Variants in RUBCNL observed in about 807,000 individuals in gnomAD.
RUBCNL encodes the protein rubicon like autophagy enhancer.
Under a neutral mutation model 69.5 loss-of-function variants are expected in RUBCNL, and 62 were observed. That is an observed-to-expected ratio of 0.89 (90% CI 0.73 to 1.10). RUBCNL has a LOEUF of 1.10. Among genes scored for constraint, RUBCNL ranks in the 50% least tolerant of loss-of-function variants. RUBCNL has a pLI of 0.00. For synonymous variants in RUBCNL, 291 were observed against 303.6 expected (o/e 0.96, Z 0.43); for missense variants, 768 against 798.1 (o/e 0.96, Z 0.45).
chr13:46,371,875 C>A, intron 3 of RUBCNL, 66 bp downstream of exon 3: 1 of 1,517,088 alleles, frequency 6.6e-7, no homozygotes, highest in Non-Finnish European at 9.0e-7. Flanking sequence ...ACAAGGCAGG[C>A]TTTAGAGCAA....
At position 46,369,096 on chromosome 13, in the gene RUBCNL, A is replaced by G. The variant is rs567411682; in HGVS notation, c.536-281T>C. Among the ~76,000 whole-genome samples the G allele has an allele frequency of 2.6e-5, 4 of 152,334 alleles. No individual in the cohort carries two copies. In the East Asian group the frequency reaches 7.7e-4, roughly 29 times the overall value. ...ATGAGGAAAAGAGGGTAGAAAGAGAATAGGGTCCTGGGAAATCCCAACAGG... is the reference window on the plus strand; with the variant it reads ...ATGAGGAAAAGAGGGTAGAAAGAGAGTAGGGTCCTGGGAAATCCCAACAGG... On this transcript the variant is annotated intron_variant, in intron 3 of 14. Coordinates refer to ENST00000429979, the MANE Select transcript of RUBCNL (RefSeq NM_025113.5).
At chr13:46,371,115 G>A (rs1332083292) in intron 3 of RUBCNL, among the ~76,000 whole-genome samples, 1 of 152,180 alleles carries the variant, frequency 6.6e-6, no homozygotes, top group East Asian at 1.9e-4. Context: ...AGGTAAGGGG[G>A]AAGATGAGCT....
At chr13:46,386,033 C>T (rs2049234586) in intron 1 of RUBCNL, among the ~76,000 whole-genome samples, 1 of 152,198 alleles carries the variant, frequency 6.6e-6, no homozygotes, top group African/African-American at 2.4e-5. Flanking sequence ...AACCCCAGCA[C>T]TGCCATAAAG....
At chr13:46,387,505 C>A, upstream of RUBCNL, 1 of 985,728 alleles carries the variant, frequency 1.0e-6, no homozygotes, top group Non-Finnish European at 1.2e-6. Flanking sequence ...AAATCCCGCC[C>A]TGCCTACCCG....
rs149410890 is a variant in RUBCNL, at chr13:46,382,128, C to G, written c.-238-4123G>C. ...ACTTGTACACTTTAAATCAGTGAAG[C>G]ATTTGGCATGTAAATTCTATCTCAA... is the stretch of plus-strand genomic sequence containing the variant. On this transcript the variant is annotated intron_variant, in intron 1 of 14. Transcript: ENST00000429979. Among the ~76,000 whole-genome samples, 1,208 of 152,190 alleles carry G rather than the reference C, an allele frequency of 7.9e-3. 23 individuals carry two copies. Among genetic ancestry groups the G allele is most frequent in the African/African-American group, 0.027 (1,137 of 41,500 alleles).
intron 12 of RUBCNL, 125 bp from the exon 13 acceptor site, chr13:46,345,725 A>G (rs2048233196): frequency 1.1e-6 from 1 of 941,894 alleles, no homozygotes; most frequent in South Asian, 1.9e-5. Flanking sequence ...TAAAAAATAA[A>G]TAGCTCCAAG....
At position 46,350,279 on chromosome 13, in the gene RUBCNL, T is replaced by C. The variant is rs781370422; in HGVS notation, c.1403A>G (p.Glu468Gly). The C allele has an allele frequency of 1.3e-6, 2 of 1,586,160 alleles. No individual in the cohort carries two copies. Among genetic ancestry groups the C allele is most frequent in the South Asian group, 2.3e-5 (2 of 86,824 alleles). ...YFCDCCHSYA[E>G]SCIPARILMM... ...CAGGATTCGGGCAGGGATGCACGAC[T>C]CTGCATATGAGTGGCAGCAGTCACA... Residue 468 changes from glutamate to glycine, a missense_variant, in exon 11 of 15, where the codon GAG (glutamate) becomes GGG (glycine). By Grantham distance (98) the Glu-to-Gly change is moderately conservative. Transcript: ENST00000429979.
chr13:46,360,671 T>C (rs1243360025), intron 8 of RUBCNL, among the ~76,000 whole-genome samples: 1 of 152,222 alleles, frequency 6.6e-6, no homozygotes, highest in Non-Finnish European at 1.5e-5. Context: ...TAAACACTCC[T>C]TCCTCTGCAC....
chr13:46,347,877 C>G (rs1439452498), intron 12 of RUBCNL, among the ~76,000 whole-genome samples: 4 of 152,110 alleles, frequency 2.6e-5, no homozygotes, highest in Non-Finnish European at 4.4e-5. Context: ...CCTGTAGTCC[C>G]AGCTACTTGG....
rs2048815432 is a variant in RUBCNL, at chr13:46,368,776, G to A, written c.575C>T (p.Ser192Phe). ...QVSRRTISSNSFSPEVFVLPV... is the reference protein window; with the variant it reads ...QVSRRTISSNFFSPEVFVLPV... The stretch of plus-strand genomic sequence containing the variant: ...CAGCACAAATACCTCTGGTGAGAAG[G>A]AATTCGAAGAAATGGTTCTTCTACT... The change falls in exon 4 of 15, where the codon TCC becomes TTC. Residue 192 changes from serine (S) to phenylalanine (F), a missense_variant. Physicochemically the swap from Ser to Phe is radical, Grantham distance 155. Coordinates refer to ENST00000429979, the MANE Select transcript of RUBCNL (RefSeq NM_025113.5). 2 of 1,613,584 alleles carry A rather than the reference G, an allele frequency of 1.2e-6. No individual in the cohort carries two copies. Among genetic ancestry groups the A allele is most frequent in the African/African-American group, 1.3e-5 (1 of 74,916 alleles).
At chr13:46,374,280 T>G (rs1190202800) in intron 2 of RUBCNL, 1 of 152,338 alleles carries the variant, frequency 6.6e-6, no homozygotes, top group Non-Finnish European at 1.5e-5. Context: ...GGTTTCACCA[T>G]GTTGGCCAGG....
intron 5 of RUBCNL, among the ~76,000 whole-genome samples, chr13:46,367,511 CAT>C (rs1169976777): frequency 1.3e-5 from 2 of 152,084 alleles, no homozygotes; most frequent in Non-Finnish European, 2.9e-5. Flanking sequence ...CAAAACAAAA[CAT>C]AGGATTTGAC....
chr13:46,384,207 T>C (rs541166209), intron 1 of RUBCNL, among the ~76,000 whole-genome samples: 1 of 152,332 alleles, frequency 6.6e-6, no homozygotes, highest in East Asian at 1.9e-4. Context: ...AATATGCATA[T>C]AGATAAGTGC....
chr13:46,341,551 T>C lies in RUBCNL; in HGVS notation c.*1834A>G, dbSNP rs73479352. On this transcript the variant is annotated 3_prime_UTR_variant, in exon 15 of 15. Transcript: ENST00000429979. ...CTGGCAACTGCTGTGCACTCTTCCT[T>C]AATATCAAAGATATGTAACACACAC... Among the ~76,000 whole-genome samples the C allele has an allele frequency of 0.043, 6,509 of 152,242 alleles. 435 individuals are homozygous for C. Among genetic ancestry groups the C allele is most frequent in the East Asian group, 0.33 (1,720 of 5,152 alleles).
At position 46,335,025 on chromosome 13, in the gene RUBCNL, G is replaced by A. The variant is rs973208525; in HGVS notation, c.*8360C>T. ...AGAGAGGAACAGCTCAGGAAGTGGT[G>A]CAGGTCAAGCCCAACAGGAAACCTA... is the stretch of plus-strand genomic sequence containing the variant. On this transcript the variant is annotated 3_prime_UTR_variant, in exon 15 of 15. Transcript: ENST00000429979. 2.4e-4 allele frequency among the ~76,000 whole-genome samples: 36 copies of A among 151,982 alleles called. No individual in the cohort carries two copies. The highest frequency in any genetic ancestry group is 1.0e-4 in the Non-Finnish European group (7 of 67,980).
In RUBCNL at chr13:46,336,105, G is replaced by A. The variant is rs572400294; in HGVS notation, c.*7280C>T. ...AAATCACAAATGTCATGATGTTTCC[G>A]GGTTCCAAAGCTTCCAGGAGGAAGG... On this transcript the variant is annotated 3_prime_UTR_variant, in exon 15 of 15. Coordinates refer to ENST00000429979, the MANE Select transcript of RUBCNL (RefSeq NM_025113.5). Among the ~76,000 whole-genome samples the A allele has an allele frequency of 3.3e-5, 5 of 152,316 alleles. No individual in the cohort carries two copies. The highest frequency in any genetic ancestry group is 4.8e-5 in the African/African-American group (2 of 41,568).
chr13:46,363,950 G>C (rs2048689740), intron 5 of RUBCNL, among the ~76,000 whole-genome samples: 1 of 147,480 alleles, frequency 6.8e-6, no homozygotes, highest in Non-Finnish European at 1.5e-5. Context: ...ACTGATAATA[G>C]CATTAATAAT....
intron 5 of RUBCNL, among the ~76,000 whole-genome samples, chr13:46,367,478 A>G (rs2048783091): frequency 4.6e-5 from 7 of 152,234 alleles, no homozygotes; most frequent in Admixed American, 4.6e-4. Context: ...AGTAGGATGA[A>G]GTCCAAGATT....
At chr13:46,381,584 T>C (rs1397338166) in intron 1 of RUBCNL, among the ~76,000 whole-genome samples, 1 of 152,212 alleles carries the variant, frequency 6.6e-6, no homozygotes, top group East Asian at 1.9e-4. Flanking sequence ...TTTTTCCTTT[T>C]CTTTTTTCGG....
Sources: gnomAD v4.1 joint callset for allele counts (sites outside exome capture counted in the v4.1 genomes callset) on GRCh38, gnomAD v4.1.1 for gene constraint, MANE v1.5 for transcripts, NCBI Gene and HGNC (gene_info 2026-07-23, HGNC 2026-07-21) for gene names.